MYO3B: variants seen among roughly 807,000 people sequenced by gnomAD.
MYO3B encodes the protein myosin-IIIb.
Under a neutral mutation model 174.6 loss-of-function variants are expected in MYO3B, and 156 were observed. That is an observed-to-expected ratio of 0.89 (90% CI 0.78 to 1.02). The LOEUF (loss-of-function observed/expected upper bound fraction) is 1.02. MYO3B is among the 50% of genes least tolerant of loss of function. The pLI, the probability that MYO3B is intolerant of heterozygous loss-of-function variation, is 0.00. For synonymous variants in MYO3B, 563 were observed against 569.1 expected (o/e 0.99, Z 0.15); for missense variants, 1,632 against 1,639.4 (o/e 1.00, Z 0.08).
At chr2:170,558,432 T>C (rs1206570700) in intron 32 of MYO3B, among the ~76,000 whole-genome samples, 14 of 152,062 alleles carry the variant, frequency 9.2e-5, no homozygotes, top group Non-Finnish European at 2.9e-5. Flanking sequence ...AGCATGCCCT[T>C]TCAGGATTAT....
At chr2:170,210,904 C>A (rs1234711595) in intron 3 of MYO3B, among the ~76,000 whole-genome samples, 1 of 152,160 alleles carries the variant, frequency 6.6e-6, no homozygotes, top group African/African-American at 2.4e-5. Flanking sequence ...ACATATGTAA[C>A]TACACAGACA....
chr2:170,490,094 T>C (rs1686362975), intron 25 of MYO3B, among the ~76,000 whole-genome samples: 1 of 150,902 alleles, frequency 6.6e-6, no homozygotes, highest in Non-Finnish European at 1.5e-5. Context: ...AGTGGCGTGA[T>C]CTTGGCTCAC....
At chr2:170,192,814 AGTTTTAATATTCTCAG>A (rs1328774961) in intron 1 of MYO3B, among the ~76,000 whole-genome samples, 6 of 151,618 alleles carry the variant, frequency 4.0e-5, no homozygotes, top group African/African-American at 1.4e-4. Flanking sequence ...GACCTAAAAG[AGTTTTAATATTCTCAG>A]GTGGCTAGGT....
chr2:170,621,082 T>A (rs1287217326), intron 32 of MYO3B, among the ~76,000 whole-genome samples: 1 of 152,018 alleles, frequency 6.6e-6, no homozygotes, highest in Non-Finnish European at 1.5e-5. Context: ...AGAGACAGGG[T>A]TTCACCATCT....
At chr2:170,563,302 G>A (rs1296097833) in intron 32 of MYO3B, among the ~76,000 whole-genome samples, 4 of 152,052 alleles carry the variant, frequency 2.6e-5, no homozygotes, top group Admixed American at 1.3e-4. Context: ...GTTCTCCAAG[G>A]ACCAATGAGA....
At chr2:170,444,479 C>G (rs1000153267) in intron 23 of MYO3B, among the ~76,000 whole-genome samples, 2 of 152,188 alleles carry the variant, frequency 1.3e-5, no homozygotes, top group African/African-American at 2.4e-5. Flanking sequence ...TTTAACTGTT[C>G]TATCCTTCCA....
At chr2:170,609,772 A>C (rs1695026138) in intron 32 of MYO3B, among the ~76,000 whole-genome samples, 1 of 152,208 alleles carries the variant, frequency 6.6e-6, no homozygotes, top group African/African-American at 2.4e-5. Context: ...CGAAAGACAA[A>C]GGGCTGTTCC....
chr2:170,547,132 A>G (rs112477268), intron 32 of MYO3B, among the ~76,000 whole-genome samples: 22,943 of 149,036 alleles, frequency 0.15, 2,050 homozygotes, highest in Middle Eastern at 0.23. Flanking sequence ...ATCCTGGCTA[A>G]CACAGTGAAA....
At chr2:170,214,627 C>G in intron 4 of MYO3B, 102 bp from the exon 5 acceptor site, 5 of 1,326,278 alleles carry the variant, frequency 3.8e-6, no homozygotes, top group Non-Finnish European at 5.4e-6. Context: ...CAAATGTAGA[C>G]TTTCATGAGA....
At chr2:170,215,677 C>T (rs1033187953) in intron 5 of MYO3B, among the ~76,000 whole-genome samples, 2 of 152,118 alleles carry the variant, frequency 1.3e-5, no homozygotes, top group Non-Finnish European at 2.9e-5. Flanking sequence ...TTGGTTTAGA[C>T]GTACTAGTCT....
At position 170,653,160 on chromosome 2, in the gene MYO3B, C is replaced by G. The variant is rs1479364007; in HGVS notation, c.*39C>G. On this transcript the variant is annotated 3_prime_UTR_variant, in exon 35 of 35. Transcript: ENST00000408978. Reference sequence around the variant, plus strand: ...ACCCTAAATCTGTCCAGAGTAGGAACATTCATGGTAATCGACTGTCTGTCA... The same window carrying G: ...ACCCTAAATCTGTCCAGAGTAGGAAGATTCATGGTAATCGACTGTCTGTCA... The G allele has an allele frequency of 4.3e-6, 7 of 1,611,214 alleles. No homozygotes were observed. The highest frequency in any genetic ancestry group is 1.6e-4 in the Middle Eastern group (1 of 6,078).
chr2:170,191,657 C>T lies in MYO3B; in HGVS notation c.3-7551C>T, dbSNP rs572948730. 6.6e-5 allele frequency among the ~76,000 whole-genome samples: 10 copies of T among 152,220 alleles called. No homozygotes were observed. The East Asian group carries it at 1.2e-3, about 18-fold the overall frequency. On this transcript the variant is annotated intron_variant, in intron 1 of 34. Coordinates refer to ENST00000408978, the MANE Select transcript of MYO3B (RefSeq NM_138995.5). ...TCCCCAATCACTGTGCTCTCCCTCC[C>T]GCAAGTGCACAGATTATCTCCGTGC...
chr2:170,438,644 T>A (rs1033506122), intron 22 of MYO3B, among the ~76,000 whole-genome samples: 1 of 151,428 alleles, frequency 6.6e-6, no homozygotes, highest in Non-Finnish European at 1.5e-5. Flanking sequence ...TAATATTTCT[T>A]TTTTTTTTGA....
chr2:170,486,510 A>C (rs897673837), intron 25 of MYO3B, among the ~76,000 whole-genome samples: 1 of 152,012 alleles, frequency 6.6e-6, no homozygotes, highest in African/African-American at 2.4e-5. Flanking sequence ...CTCCATGTTG[A>C]GGCTGGTCTC....
At chr2:170,500,849 T>G (rs1687217933) in intron 27 of MYO3B, among the ~76,000 whole-genome samples, 1 of 152,210 alleles carries the variant, frequency 6.6e-6, no homozygotes, top group Non-Finnish European at 1.5e-5. Context: ...AGGTTGCTAA[T>G]CTCTTTCATG....
At chr2:170,445,745 C>T (rs2094836837) in intron 23 of MYO3B, among the ~76,000 whole-genome samples, 1 of 152,198 alleles carries the variant, frequency 6.6e-6, no homozygotes, top group East Asian at 1.9e-4. Context: ...AGGATCCTTC[C>T]ACCTCAGCCT....
At chr2:170,266,626 T>C (rs2093385722) in intron 7 of MYO3B, among the ~76,000 whole-genome samples, 1 of 152,334 alleles carries the variant, frequency 6.6e-6, no homozygotes, top group Middle Eastern at 3.4e-3. Context: ...AGAAGGAAGT[T>C]CCAGGTTCTT....
At chr2:170,479,496 A>C (rs1685541946) in intron 25 of MYO3B, among the ~76,000 whole-genome samples, 1 of 145,642 alleles carries the variant, frequency 6.9e-6, no homozygotes, top group Admixed American at 6.9e-5. Flanking sequence ...CTATATATAA[A>C]TATATGTTTT....
intron 7 of MYO3B, among the ~76,000 whole-genome samples, chr2:170,324,703 G>A (rs757974393): frequency 1.1e-4 from 16 of 152,194 alleles, no homozygotes; most frequent in Admixed American, 2.0e-4. Flanking sequence ...GAGTGGACTT[G>A]GTGAACATTT....
Sources: gnomAD v4.1 joint callset for allele counts (sites outside exome capture counted in the v4.1 genomes callset) on GRCh38, gnomAD v4.1.1 for gene constraint, MANE v1.5 for transcripts, NCBI Gene and HGNC (gene_info 2026-07-23, HGNC 2026-07-21) for gene names.